TMEFF1: variants seen among roughly 807,000 people sequenced by gnomAD.
TMEFF1 encodes tomoregulin-1.
In TMEFF1, 20 loss-of-function variants were observed where a neutral mutation model predicts 47.5. The observed-to-expected ratio is 0.42, with a 90% CI of 0.30 to 0.61. TMEFF1 has a LOEUF of 0.61. TMEFF1 is among the 20% of genes least tolerant of loss of function. The probability of loss-of-function intolerance (pLI) is 0.19; values close to 1 mark genes in which losing one functional copy is unlikely to be tolerated. For missense variants in TMEFF1, 411 were observed against 471.1 expected, an observed-to-expected ratio of 0.87 and a Z score of 1.18; for synonymous variants, 162 against 166.3, an observed-to-expected ratio of 0.97 and a Z score of 0.20.
chr9:100,481,224 C>T (rs142459307), intron 1 of TMEFF1, among the ~76,000 whole-genome samples: 7 of 150,570 alleles, frequency 4.6e-5, no homozygotes, highest in African/African-American at 7.3e-5. Context: ...ACATACTATA[C>T]GTTTTACTTG....
chr9:100,537,611 G>A (rs975584352), intron 5 of TMEFF1, among the ~76,000 whole-genome samples: 8 of 152,212 alleles, frequency 5.3e-5, no homozygotes, highest in Non-Finnish European at 1.2e-4. Context: ...CTGCTGAGAG[G>A]AGCCCTGCAC....
intron 2 of TMEFF1, among the ~76,000 whole-genome samples, 197 bp downstream of exon 2, chr9:100,499,071 T>C (rs901673357): frequency 6.6e-6 from 1 of 152,226 alleles, no homozygotes; most frequent in African/African-American, 2.4e-5. Flanking sequence ...GAGGACAGAT[T>C]GACAATAATA....
intron 1 of TMEFF1, among the ~76,000 whole-genome samples, chr9:100,495,082 A>G (rs1028463397): frequency 6.6e-6 from 1 of 152,014 alleles, no homozygotes; most frequent in Non-Finnish European, 1.5e-5. Context: ...AGAAAATTTC[A>G]TATTTGATTT....
chr9:100,561,611 A>G, intron 8 of TMEFF1, 91 bp downstream of exon 8: 2 of 1,395,736 alleles, frequency 1.4e-6, no homozygotes, highest in Non-Finnish European at 1.9e-6. Context: ...ACTAAATATT[A>G]CCAGAAAGTA....
At chr9:100,533,307 C>A (rs1011346607) in intron 5 of TMEFF1, among the ~76,000 whole-genome samples, 24 of 152,066 alleles carry the variant, frequency 1.6e-4, no homozygotes, top group African/African-American at 4.8e-4. Context: ...GATTTAGTTT[C>A]TTTAATGATT....
At chr9:100,540,268 C>T (rs996547266) in intron 5 of TMEFF1, among the ~76,000 whole-genome samples, 3 of 152,122 alleles carry the variant, frequency 2.0e-5, no homozygotes, top group African/African-American at 4.8e-5. Flanking sequence ...GGTGTGTTTA[C>T]AAACCTCTAG....
In TMEFF1 at chr9:100,498,559, T is replaced by A. The variant is rs567440690; in HGVS notation, c.197-206T>A. ...CTATTTTGAGTTACTTTTAGGCTCA[T>A]TACTATGCAGGATTCTGTTTGGGGA... On this transcript the variant is annotated intron_variant, in intron 1 of 9. Coordinates refer to ENST00000374879, the MANE Select transcript of TMEFF1 (RefSeq NM_003692.5). Among the ~76,000 whole-genome samples the A allele has an allele frequency of 9.2e-5, 14 of 152,280 alleles. 1 individual carries two copies. The highest frequency in any genetic ancestry group is 7.8e-4 in the Admixed American group (12 of 15,290).
chr9:100,519,575 T>G (rs1224316470), intron 5 of TMEFF1, among the ~76,000 whole-genome samples: 1 of 151,348 alleles, frequency 6.6e-6, no homozygotes, highest in Non-Finnish European at 1.5e-5. Context: ...TTTCTAATTT[T>G]CCTTTAAAGA....
intron 5 of TMEFF1, among the ~76,000 whole-genome samples, chr9:100,543,706 C>CACTAACATAAA (rs1838678060): frequency 4.8e-4 from 42 of 87,086 alleles, no homozygotes; most frequent in African/African-American, 1.9e-3. Flanking sequence ...TGAAGTAAAA[C>CACTAACATAAA]ACACACACAC....
At chr9:100,487,038 C>A (rs1837463077) in intron 1 of TMEFF1, among the ~76,000 whole-genome samples, 1 of 152,044 alleles carries the variant, frequency 6.6e-6, no homozygotes, top group African/African-American at 2.4e-5. Flanking sequence ...TGTTTATAGC[C>A]CAGTTGATAT....
intron 5 of TMEFF1, among the ~76,000 whole-genome samples, chr9:100,519,851 T>C (rs1418203132): frequency 6.6e-6 from 1 of 152,082 alleles, no homozygotes; most frequent in Admixed American, 6.5e-5. Context: ...TCAGTCTTTT[T>C]TGACTACACT....
At chr9:100,536,535 A>T (rs965720234) in intron 5 of TMEFF1, among the ~76,000 whole-genome samples, 1 of 152,192 alleles carries the variant, frequency 6.6e-6, no homozygotes, top group African/African-American at 2.4e-5. Flanking sequence ...TATAAAAAGC[A>T]TTGTCACTAA....
At chr9:100,560,010 G>A (rs1280480737) in intron 7 of TMEFF1, among the ~76,000 whole-genome samples, 2 of 151,726 alleles carry the variant, frequency 1.3e-5, no homozygotes, top group South Asian at 2.1e-4. Flanking sequence ...TGGTTCTCAG[G>A]GTTTTTTTAC....
Position 100,473,565 on chromosome 9 carries a change from G to T in TMEFF1, c.21G>T (p.Glu7Asp). 6.5e-7 allele frequency: 1 copy of T among 1,538,030 alleles called. No homozygotes were observed. Among genetic ancestry groups the T allele is most frequent in the Non-Finnish European group, 8.7e-7 (1 of 1,144,598 alleles). The change falls in exon 1 of 10, where the codon GAG becomes GAT. Residue 7 changes from glutamate (E) to aspartate (D), a missense_variant. Coordinates refer to ENST00000374879, the MANE Select transcript of TMEFF1 (RefSeq NM_003692.5). This position sits in a 1 kb window ranked among gnomAD's most constrained non-coding sequence, Gnocchi z 5.4. MGAAAAEAPLRLPAAPP... is the reference protein window; with the variant it reads MGAAAADAPLRLPAAPP... The stretch of plus-strand genomic sequence containing the variant: ...CAGTCATGGGCGCCGCAGCCGCTGA[G>T]GCGCCGCTCCGGCTGCCTGCCGCGC...
At chr9:100,537,505 C>T (rs1838539513) in intron 5 of TMEFF1, among the ~76,000 whole-genome samples, 1 of 152,162 alleles carries the variant, frequency 6.6e-6, no homozygotes, top group African/African-American at 2.4e-5. Flanking sequence ...AGGTAATAAC[C>T]ACTCACCCAT....
Position 100,513,292 on chromosome 9 carries a change from T to G in TMEFF1, c.437-15T>G. Reference sequence around the variant, plus strand: ...GGGAAAAATGTTCATATTCATTCTTTGTTTTTCTTCTCAGATAATGGATCT... The same window carrying G: ...GGGAAAAATGTTCATATTCATTCTTGGTTTTTCTTCTCAGATAATGGATCT... On this transcript the variant is annotated splice_polypyrimidine_tract_variant and intron_variant, in intron 3 of 9. Transcript: ENST00000374879. 1 of 1,595,822 alleles carries G rather than the reference T, an allele frequency of 6.3e-7. No individual in the cohort carries two copies. The highest frequency in any genetic ancestry group is 2.3e-5 in the East Asian group (1 of 44,440).
At chr9:100,522,430 CTTTTTTT>C (rs869111876) in intron 5 of TMEFF1, among the ~76,000 whole-genome samples, 4 of 69,644 alleles carry the variant, frequency 5.7e-5, no homozygotes, top group South Asian at 5.9e-4. Flanking sequence ...GAAATATCTT[CTTTTTTT>C]TTTTTTTTTT....
At chr9:100,474,012 G>A (rs1049777716) in intron 1 of TMEFF1, among the ~76,000 whole-genome samples, 4 of 151,890 alleles carry the variant, frequency 2.6e-5, no homozygotes, top group Non-Finnish European at 5.9e-5. Context: ...GCCGGGGCCG[G>A]GGCCGGCGAG....
At chr9:100,518,648 G>A (rs1439416656) in intron 5 of TMEFF1, 1 of 271,862 alleles carries the variant, frequency 3.7e-6, no homozygotes, top group Non-Finnish European at 5.6e-6. Flanking sequence ...TATGGAAAGA[G>A]ACAAAAGGAA....
Sources: gnomAD v4.1 joint callset for allele counts (sites outside exome capture counted in the v4.1 genomes callset) on GRCh38, gnomAD v4.1.1 for gene constraint, Gnocchi (gnomAD v3.1) non-coding constraint, MANE v1.5 for transcripts, NCBI Gene and HGNC (gene_info 2026-07-23, HGNC 2026-07-21) for gene names.